Variants in DLEU7 observed in about 807,000 individuals in gnomAD.
DLEU7 encodes the protein leukemia-associated protein 7.
DLEU7 carries 17 observed loss-of-function variants against 16.0 expected under a neutral mutation model. That is an observed-to-expected ratio of 1.06 (90% CI 0.73 to 1.59). The LOEUF is 1.59. Ranked by LOEUF, DLEU7 falls within the 40% of genes most tolerant of loss-of-function variation. The pLI, the probability that DLEU7 is intolerant of heterozygous loss-of-function variation, is 0.00. For synonymous variants in DLEU7, 113 were observed against 139.8 expected (o/e 0.81, Z 1.35); for missense variants, 308 against 314.9 (o/e 0.98, Z 0.17).
chr13:50,826,862 A>T (rs1566265659), intron 1 of DLEU7, among the ~76,000 whole-genome samples: 1 of 152,244 alleles, frequency 6.6e-6, no homozygotes, highest in East Asian at 1.9e-4. Flanking sequence ...ACAATGGAAT[A>T]ATAGCTTCAA....
chr13:50,727,522 T>C (rs1873798784), intron 1 of DLEU7, among the ~76,000 whole-genome samples: 1 of 152,146 alleles, frequency 6.6e-6, no homozygotes, highest in African/African-American at 2.4e-5. Context: ...GTGGGGGTCA[T>C]TGACACCAGC....
chr13:50,724,403 G>A (rs866618561), intron 1 of DLEU7, among the ~76,000 whole-genome samples: 29 of 152,244 alleles, frequency 1.9e-4, no homozygotes, highest in African/African-American at 6.7e-4. Context: ...ACATCAGAGT[G>A]AGATATTTTT....
At chr13:50,843,803 T>A, upstream of DLEU7, 1 of 1,043,672 alleles carries the variant, frequency 9.6e-7, no homozygotes, top group Non-Finnish European at 1.3e-6. The surrounding 1 kb of genome is among the most constrained non-coding windows in gnomAD (Gnocchi z 5.7). Flanking sequence ...CGGCTCTGAA[T>A]CGGTGACCCG....
intron 1 of DLEU7, among the ~76,000 whole-genome samples, chr13:50,773,743 A>C (rs1875400525): frequency 6.6e-6 from 1 of 152,172 alleles, no homozygotes; most frequent in South Asian, 2.1e-4. Context: ...GACCCACTTG[A>C]GGAGGCAGTC....
At chr13:50,804,891 T>C (rs1051408189) in intron 1 of DLEU7, among the ~76,000 whole-genome samples, 1 of 151,952 alleles carries the variant, frequency 6.6e-6, no homozygotes, top group Non-Finnish European at 1.5e-5. Flanking sequence ...TATATTTACT[T>C]TATAACCAAA....
intron 1 of DLEU7, among the ~76,000 whole-genome samples, chr13:50,831,193 C>T (rs1877254912): frequency 6.6e-6 from 1 of 151,856 alleles, no homozygotes. Context: ...AAAAAATCTG[C>T]CTTGTAGAAA....
intron 1 of DLEU7, among the ~76,000 whole-genome samples, chr13:50,738,783 GT>G (rs935985529): frequency 8.5e-5 from 13 of 152,068 alleles, no homozygotes; most frequent in African/African-American, 3.1e-4. Context: ...ATGGGGGAAA[GT>G]TTCTTGAAAG....
At chr13:50,730,941 A>T (rs947277507) in intron 1 of DLEU7, among the ~76,000 whole-genome samples, 4 of 152,156 alleles carry the variant, frequency 2.6e-5, no homozygotes, top group African/African-American at 9.7e-5. Flanking sequence ...CCACCTCTCC[A>T]CACCCACATA....
chr13:50,785,204 G>A (rs1305247761), intron 1 of DLEU7, among the ~76,000 whole-genome samples: 1 of 152,152 alleles, frequency 6.6e-6, no homozygotes, highest in South Asian at 2.1e-4. Context: ...GGCACCTGGG[G>A]TTGGGACAAG....
intron 1 of DLEU7, among the ~76,000 whole-genome samples, chr13:50,767,459 A>AG (rs1401776010): frequency 2.1e-5 from 3 of 140,844 alleles, no homozygotes; most frequent in Non-Finnish European, 3.0e-5. Context: ...CCGTCTCAAA[A>AG]AAAAAAAAAA....
rs140741697 is a variant in DLEU7 at position 50,713,122 on chromosome 13, ACATCCCATCT to A, written c.*85_*94del. Reference sequence around the variant, plus strand: ...CAACGTGGTAATAAGAAGTGGTTTAACATCCCATCTCATCCCATCTGGCATTCAGAATTTG... The same window carrying A: ...CAACGTGGTAATAAGAAGTGGTTTAACATCCCATCTGGCATTCAGAATTTG... On this transcript the variant is annotated 3_prime_UTR_variant, in exon 2 of 2. Transcript: ENST00000400393. The A allele has an allele frequency of 1.8e-3, 2,623 of 1,458,978 alleles. 36 individuals carry two copies. In the East Asian group the frequency reaches 0.022, roughly 12 times the overall value. 90.4% of individuals were successfully genotyped at this position (1,458,978 alleles called of 1,614,324 possible).
At chr13:50,784,668 TC>T (rs1278119945) in intron 1 of DLEU7, among the ~76,000 whole-genome samples, 1 of 152,162 alleles carries the variant, frequency 6.6e-6, no homozygotes, top group Non-Finnish European at 1.5e-5. Flanking sequence ...AAGCATGGAC[TC>T]CCATCCCTGA....
intron 1 of DLEU7, among the ~76,000 whole-genome samples, chr13:50,770,948 T>C (rs1172868345): frequency 6.6e-6 from 1 of 152,156 alleles, no homozygotes; most frequent in African/African-American, 2.4e-5. Flanking sequence ...TTTCCGAGCC[T>C]GTTATTGGTC....
At chr13:50,759,824 C>T (rs944650027) in intron 1 of DLEU7, among the ~76,000 whole-genome samples, 4 of 152,264 alleles carry the variant, frequency 2.6e-5, no homozygotes, top group Non-Finnish European at 4.4e-5. Context: ...TGGATCTCCA[C>T]GTACACTCTT....
At chr13:50,790,494 C>T (rs1221884473) in intron 1 of DLEU7, among the ~76,000 whole-genome samples, 1 of 151,980 alleles carries the variant, frequency 6.6e-6, no homozygotes, top group East Asian at 1.9e-4. Context: ...GCTGCTTTTT[C>T]ATGTTATCTT....
chr13:50,839,470 T>A (rs906134246), intron 1 of DLEU7, among the ~76,000 whole-genome samples: 2 of 152,254 alleles, frequency 1.3e-5, no homozygotes, highest in African/African-American at 4.8e-5. Context: ...AATCCTATTT[T>A]TAAATGTCTG....
At chr13:50,810,669 G>T (rs975338748) in intron 1 of DLEU7, among the ~76,000 whole-genome samples, 5 of 152,120 alleles carry the variant, frequency 3.3e-5, no homozygotes, top group African/African-American at 9.7e-5. Context: ...GAGGTGTTTT[G>T]TTGTGTGTGG....
At chr13:50,712,115 AT>A (rs1386605289) in exon 2 of DLEU7, 1 of 152,188 alleles carries the variant, frequency 6.6e-6, no homozygotes, top group Non-Finnish European at 1.5e-5. Context: ...CCTATTGCAG[AT>A]GGTACTAGCC....
Position 50,726,564 on chromosome 13 carries a change from T to C in DLEU7, c.460-13324A>G, listed in dbSNP as rs1444358476. On this transcript the variant is annotated intron_variant, in intron 1 of 1. Transcript: ENST00000400393. The surrounding 1 kb of genome is among the most constrained non-coding windows in gnomAD (Gnocchi z 4.0). Reference sequence around the variant, plus strand: ...AGTTTTTGCCAAAATTCACAATGTTTGAAAAAAATAGGTTGAGACACTTTC... The same window carrying C: ...AGTTTTTGCCAAAATTCACAATGTTCGAAAAAAATAGGTTGAGACACTTTC... Among the ~76,000 whole-genome samples the C allele has an allele frequency of 2.0e-5, 3 of 152,216 alleles. No homozygotes were observed. Among genetic ancestry groups the C allele is most frequent in the Non-Finnish European group, 4.4e-5 (3 of 68,034 alleles).
Sources: allele counts gnomAD v4.1 joint callset (sites outside exome capture counted in the v4.1 genomes callset), GRCh38; gene constraint gnomAD v4.1.1; non-coding constraint Gnocchi (gnomAD v3.1); transcripts MANE v1.5; gene names NCBI Gene and HGNC (gene_info 2026-07-23, HGNC 2026-07-21).